The following MORC3 variants were observed in gnomAD, a reference collection of about 807,000 sequenced individuals.
The protein encoded by MORC3 is MORC family CW-type zinc finger protein 3.
Under a neutral mutation model 109.1 loss-of-function variants are expected in MORC3, and 31 were observed. That is an observed-to-expected ratio of 0.28 (90% confidence interval 0.21 to 0.38). The LOEUF (loss-of-function observed/expected upper bound fraction) is 0.38. MORC3 is among the 10% of genes least tolerant of loss of function. MORC3 has a pLI of 1.00. For missense variants in MORC3, 867 were observed against 1,135.8 expected (o/e 0.76, Z 3.40); for synonymous variants, 395 against 380.7 (o/e 1.04, Z -0.44).
Position 36,375,213 on chromosome 21 carries a change from C to A in MORC3, c.2737C>A (p.Gln913Lys). Residue 913 changes from glutamine to lysine, a missense_variant, in exon 17 of 17, where the codon CAG (glutamine) becomes AAG (lysine). Coordinates refer to ENST00000400485, the MANE Select transcript of MORC3 (RefSeq NM_015358.3). The stretch of plus-strand genomic sequence containing the variant: ...TATGATTGTGCCTGATCTTGATCTT[C>A]AGCAAGTGAATTACGATGTTGATGT... ...LAMIVPDLDL[Q>K]QVNYDVDVVD... is the part of the protein sequence containing the mutation. 6.2e-7 allele frequency: 1 copy of A among 1,613,898 alleles called. No homozygotes were observed.
intron 8 of MORC3, among the ~76,000 whole-genome samples, chr21:36,345,466 G>A (rs575903425): frequency 6.6e-6 from 1 of 151,542 alleles, no homozygotes; most frequent in East Asian, 1.9e-4. Flanking sequence ...CTGTCGCCCA[G>A]GCTGGAGTGC....
At chr21:36,366,872 T>G (rs1181339116) in intron 14 of MORC3, among the ~76,000 whole-genome samples, 6 of 152,154 alleles carry the variant, frequency 3.9e-5, no homozygotes, top group Admixed American at 3.3e-4. Flanking sequence ...AAGAATAGAG[T>G]AACTCCAAAT....
In MORC3 at chr21:36,369,808, G is replaced by A. The variant is rs1040958781; in HGVS notation, c.2440G>A (p.Val814Met). ...ESKSEMDEMA[V>M]QLDDVFRQLD... ...TAAAAGTGAAATGGATGAGATGGCT[G>A]TGCAGCTTGACGATGTGTTTAGACA... Residue 814 changes from valine (V) to methionine (M), a missense_variant, in exon 15 of 17, where the codon GTG becomes ATG. Physicochemically the swap from Val to Met is conservative, Grantham distance 21. Around this residue, in one of 7 missense-constraint regions of MORC3, gnomAD observed 486 missense variants for 502.1 expected, o/e 0.97. Transcript: ENST00000400485. 1.2e-6 allele frequency: 2 copies of A among 1,614,022 alleles called. No individual in the cohort carries two copies. Among genetic ancestry groups the A allele is most frequent in the Non-Finnish European group, 8.5e-7 (1 of 1,180,046 alleles).
At chr21:36,364,738 A>G (rs1208953393) in intron 14 of MORC3, among the ~76,000 whole-genome samples, 1 of 152,010 alleles carries the variant, frequency 6.6e-6, no homozygotes, top group East Asian at 1.9e-4. Context: ...TCCTGCTTTT[A>G]AGATGATCAG....
Position 36,341,390 on chromosome 21 carries a change from T to C in MORC3, c.609-9T>C, listed in dbSNP as rs2146304535. ...AAATTTTGGTTCTTTCTAAAAATTATTTTTACAGCTACAAAAATGCAACAG... is the reference window on the plus strand; with the variant it reads ...AAATTTTGGTTCTTTCTAAAAATTACTTTTACAGCTACAAAAATGCAACAG... On this transcript the variant is annotated splice_polypyrimidine_tract_variant and intron_variant, in intron 5 of 16. Coordinates refer to ENST00000400485, the MANE Select transcript of MORC3 (RefSeq NM_015358.3). The C allele has an allele frequency of 6.3e-7, 1 of 1,596,436 alleles. No homozygotes were observed. Among genetic ancestry groups the C allele is most frequent in the South Asian group, 1.1e-5 (1 of 87,782 alleles).
intron 6 of MORC3, among the ~76,000 whole-genome samples, chr21:36,342,311 T>C (rs1296499690): frequency 1.3e-5 from 2 of 152,202 alleles, no homozygotes; most frequent in African/African-American, 4.8e-5. Context: ...CAATAAATTA[T>C]AGACTATAGT....
chr21:36,369,413 A>G lies in MORC3; in HGVS notation c.2045A>G (p.Gln682Arg). The change falls in exon 15 of 17, where the codon CAG becomes CGG. Residue 682 changes from glutamine (Q) to arginine (R), a missense_variant. Gln to Arg is a conservative substitution (Grantham distance 43, BLOSUM62 1). Coordinates refer to ENST00000400485, the MANE Select transcript of MORC3 (RefSeq NM_015358.3). ...VEAEAKIHET[Q>R]ETTDKSADDA... ...GCTGAAGCAAAGATACATGAAACCC[A>G]GGAAACCACCGATAAATCTGCAGAT... 1 of 1,614,240 alleles carries G rather than the reference A, an allele frequency of 6.2e-7. No individual in the cohort carries two copies. The highest frequency in any genetic ancestry group is 8.5e-7 in the Non-Finnish European group (1 of 1,180,036).
intron 6 of MORC3, among the ~76,000 whole-genome samples, chr21:36,343,413 G>A (rs763544307): frequency 6.8e-6 from 1 of 146,418 alleles, no homozygotes; most frequent in Non-Finnish European, 1.5e-5. Context: ...TTTTTTAGTT[G>A]TTTTGATAAG....
In MORC3 at chr21:36,362,159, A is replaced by G. The variant is rs375380336; in HGVS notation, c.1407-24A>G. Reference sequence around the variant, plus strand: ...GGAAATGGGATTGAGAAATAACAACATGTTTTTCATCTTTATTTTAAAGCA... The same window carrying G: ...GGAAATGGGATTGAGAAATAACAACGTGTTTTTCATCTTTATTTTAAAGCA... On this transcript the variant is annotated intron_variant, in intron 12 of 16. Coordinates refer to ENST00000400485, the MANE Select transcript of MORC3 (RefSeq NM_015358.3). The G allele has an allele frequency of 4.1e-5, 66 of 1,610,690 alleles. 1 individual carries two copies. The highest frequency in any genetic ancestry group is 1.6e-4 in the Middle Eastern group (1 of 6,076).
chr21:36,357,291 T>A (rs1200527927), intron 10 of MORC3, among the ~76,000 whole-genome samples: 2 of 152,218 alleles, frequency 1.3e-5, no homozygotes, highest in African/African-American at 2.4e-5. Flanking sequence ...TACATTATTA[T>A]ACATAATTTA....
chr21:36,320,199 A>C lies in MORC3; in HGVS notation c.-66A>C, dbSNP rs1014921029. The stretch of plus-strand genomic sequence containing the variant: ...GTGGGCGGTACCCATAGGGCTCCAC[A>C]GTCGTTCCGCCACCTCCCAGTCGGG... On this transcript the variant is annotated 5_prime_UTR_variant, in exon 1 of 17. Coordinates refer to ENST00000400485, the MANE Select transcript of MORC3 (RefSeq NM_015358.3). 2.6e-6 allele frequency: 4 copies of C among 1,546,606 alleles called. No homozygotes were observed. The highest frequency in any genetic ancestry group is 3.5e-6 in the Non-Finnish European group (4 of 1,142,648).
chr21:36,364,115 G>A lies in MORC3; in HGVS notation c.1475G>A (p.Arg492Gln), dbSNP rs1274628935. 6.8e-6 allele frequency: 11 copies of A among 1,613,856 alleles called. No individual in the cohort carries two copies. The highest frequency in any genetic ancestry group is 2.2e-5 in the South Asian group (2 of 91,058). Residue 492 changes from arginine to glutamine, a missense_variant, in exon 14 of 17, where the codon CGG (arginine) becomes CAG (glutamine). By Grantham distance (43) the Arg-to-Gln change is conservative. Transcript: ENST00000400485. ...CAGATTAATGCTGAACTGTTGTTTC[G>A]GCCAACTGCTCTTTCAACTCCAAGC... ...IPRINAELLF[R>Q]PTALSTPSFS...
chr21:36,370,610 TAC>T (rs1248764986), intron 15 of MORC3, among the ~76,000 whole-genome samples: 4 of 66,852 alleles, frequency 6.0e-5, no homozygotes, highest in South Asian at 6.2e-4. Context: ...TATACATACA[TAC>T]ATATATATAT....
intron 12 of MORC3, chr21:36,360,987 G>C (rs969748289): frequency 2.0e-5 from 3 of 150,984 alleles, no homozygotes; most frequent in Admixed American, 6.6e-5. Flanking sequence ...CAGGAGAATC[G>C]TTTGAACCTG....
chr21:36,322,681 C>A (rs962099972), intron 1 of MORC3, among the ~76,000 whole-genome samples: 1 of 152,286 alleles, frequency 6.6e-6, no homozygotes. Context: ...CCAATGTATA[C>A]ACATTTTAAA....
intron 14 of MORC3, among the ~76,000 whole-genome samples, chr21:36,367,778 T>C (rs1444083108): frequency 6.6e-6 from 1 of 152,212 alleles, no homozygotes; most frequent in African/African-American, 2.4e-5. Context: ...AGAAACAGAT[T>C]ATGTACGGGC....
intron 14 of MORC3, among the ~76,000 whole-genome samples, chr21:36,364,698 C>T (rs1357584411): frequency 6.6e-6 from 1 of 151,548 alleles, no homozygotes; most frequent in Non-Finnish European, 1.5e-5. Context: ...CGCATTCTCA[C>T]CTGTTTGAAT....
chr21:36,321,349 G>GT (rs537591101), intron 1 of MORC3, among the ~76,000 whole-genome samples: 1 of 152,022 alleles, frequency 6.6e-6, no homozygotes, highest in South Asian at 2.1e-4. Context: ...AGTCTTTGTG[G>GT]TTTTTTGTTT....
intron 9 of MORC3, among the ~76,000 whole-genome samples, chr21:36,356,128 G>A (rs2085642685): frequency 6.6e-6 from 1 of 152,072 alleles, no homozygotes; most frequent in Admixed American, 6.6e-5. Flanking sequence ...TAATAATATT[G>A]TATGTATATA....
Sources: allele counts gnomAD v4.1 joint callset (sites outside exome capture counted in the v4.1 genomes callset), GRCh38; gene constraint gnomAD v4.1.1; regional missense constraint gnomAD v4.1.1; transcripts MANE v1.5; gene names NCBI Gene and HGNC (gene_info 2026-07-23, HGNC 2026-07-21).